FARS2: variants seen among roughly 807,000 people sequenced by gnomAD.
FARS2 encodes the protein phenylalanyl-tRNA synthetase 2, mitochondrial.
Under a neutral mutation model 46.4 loss-of-function variants are expected in FARS2, and 40 were observed. That is an observed-to-expected ratio of 0.86 (90% confidence interval 0.67 to 1.12). The LOEUF (loss-of-function observed/expected upper bound fraction) is 1.12, where lower values mean the gene tolerates loss of function less well. Among genes scored for constraint, FARS2 ranks in the 50% most tolerant of loss-of-function variants. The pLI is 0.00. For missense variants in FARS2, 513 were observed against 567.9 expected (o/e 0.90, Z 0.98); for synonymous variants, 234 against 214.9 (o/e 1.09, Z -0.78).
rs538586983 is a variant in FARS2 at position 5,355,443 on chromosome 6, G to A, written c.-21-13107G>A. 2.5e-4 allele frequency among the ~76,000 whole-genome samples: 35 copies of A among 139,544 alleles called. No homozygotes were observed. The South Asian group carries it at 6.8e-3, about 27-fold the overall frequency. 91.5% of individuals were successfully genotyped at this position (139,544 alleles called of 152,430 possible). ...GTGATCTCAACTCACTGCAACCTCT[G>A]CCTGCTGGGTTCAAGCAGTTCTCCT... On this transcript the variant is annotated intron_variant, in intron 1 of 6. Coordinates refer to ENST00000274680, the MANE Select transcript of FARS2 (RefSeq NM_006567.5).
At chr6:5,708,148 T>C (rs1206238219) in intron 6 of FARS2, among the ~76,000 whole-genome samples, 1 of 152,162 alleles carries the variant, frequency 6.6e-6, no homozygotes, top group Non-Finnish European at 1.5e-5. Context: ...AAGGGCCGGG[T>C]AGCAGAGCTT....
intron 6 of FARS2, among the ~76,000 whole-genome samples, chr6:5,747,118 T>C (rs11969052): frequency 0.16 from 24,262 of 152,024 alleles, 3,822 homozygotes; most frequent in African/African-American, 0.39. Context: ...AGTGGTACCA[T>C]GGACACCAGC....
chr6:5,619,485 T>C (rs1775651832), intron 6 of FARS2, among the ~76,000 whole-genome samples: 1 of 152,134 alleles, frequency 6.6e-6, no homozygotes, highest in Admixed American at 6.5e-5. Context: ...GCACTGTCAG[T>C]CAGAGCTGAG....
At chr6:5,332,746 T>C (rs1026723048) in intron 1 of FARS2, among the ~76,000 whole-genome samples, 9 of 152,250 alleles carry the variant, frequency 5.9e-5, no homozygotes, top group Admixed American at 5.2e-4. Context: ...ACCAGTCATC[T>C]GTATATTGCA....
Position 5,727,687 on chromosome 6 carries a change from G to A in FARS2, c.1218-43604G>A, listed in dbSNP as rs1561824426. Among the ~76,000 whole-genome samples the A allele has an allele frequency of 6.6e-6, 1 of 152,148 alleles. No homozygotes were observed. Among genetic ancestry groups the A allele is most frequent in the Non-Finnish European group, 1.5e-5 (1 of 68,032 alleles). On this transcript the variant is annotated intron_variant, in intron 6 of 6. Coordinates refer to ENST00000274680, the MANE Select transcript of FARS2 (RefSeq NM_006567.5). The surrounding 1 kb of genome is among the most constrained non-coding windows in gnomAD (Gnocchi z 4.1). ...TTAATGAGTTAAGTCCAGATAAAGT[G>A]GGTCTGAGGAGTTCACAGATTGGAG...
chr6:5,443,407 A>G (rs200200), intron 4 of FARS2, among the ~76,000 whole-genome samples: 17,408 of 152,258 alleles, frequency 0.11, 1,608 homozygotes, highest in African/African-American at 0.25. Flanking sequence ...ACTTTGAAGC[A>G]CTGTCTGCTA....
Position 5,555,584 on chromosome 6 carries a change from C to T in FARS2, c.1065+10244C>T, listed in dbSNP as rs189045981. Among the ~76,000 whole-genome samples, 80 of 152,248 alleles carry T rather than the reference C, an allele frequency of 5.3e-4. 2 individuals are homozygous for T. Among genetic ancestry groups the T allele is most frequent in the African/African-American group, 1.9e-3 (78 of 41,516 alleles). On this transcript the variant is annotated intron_variant, in intron 5 of 6. Coordinates refer to ENST00000274680, the MANE Select transcript of FARS2 (RefSeq NM_006567.5). ...TATCATAAATGTTGTCTAATAGAGACTTAATGTGGGATTTTGCAGTGTTTC... is the reference window on the plus strand; with the variant it reads ...TATCATAAATGTTGTCTAATAGAGATTTAATGTGGGATTTTGCAGTGTTTC...
At chr6:5,770,903 C>T (rs948483130) in intron 6 of FARS2, among the ~76,000 whole-genome samples, 9 of 152,150 alleles carry the variant, frequency 5.9e-5, no homozygotes, top group African/African-American at 9.7e-5. Flanking sequence ...AGGAGGCACA[C>T]GCGGGTTGAC....
chr6:5,697,239 G>A (rs1398784864), intron 6 of FARS2, among the ~76,000 whole-genome samples: 2 of 152,168 alleles, frequency 1.3e-5, no homozygotes, highest in Non-Finnish European at 2.9e-5. Flanking sequence ...CAAATTGATG[G>A]CCGAACTGAT....
At chr6:5,758,963 T>C (rs1762350709) in intron 6 of FARS2, among the ~76,000 whole-genome samples, 1 of 149,956 alleles carries the variant, frequency 6.7e-6, no homozygotes, top group Admixed American at 6.8e-5. Context: ...GCAGAGAGAT[T>C]GGGGTTCTGT....
intron 3 of FARS2, among the ~76,000 whole-genome samples, chr6:5,428,317 C>T (rs1277579514): frequency 6.6e-6 from 1 of 152,044 alleles, no homozygotes; most frequent in Non-Finnish European, 1.5e-5. Context: ...TTAACAGAAC[C>T]TAAGAGCAAA....
chr6:5,286,581 A>G (rs923740754), intron 1 of FARS2, among the ~76,000 whole-genome samples: 1 of 152,154 alleles, frequency 6.6e-6, no homozygotes, highest in Non-Finnish European at 1.5e-5. Context: ...TATTCAGAAT[A>G]TAAAGTGTGT....
Position 5,734,465 on chromosome 6 carries a change from C to T in FARS2, c.1218-36826C>T, listed in dbSNP as rs77515471. ...GGAGGGGCCATGCATCTGTGGGCAC[C>T]GTTTCAACACATGGCCAGCTTGTGC... On this transcript the variant is annotated intron_variant, in intron 6 of 6. Transcript: ENST00000274680. Among the ~76,000 whole-genome samples the T allele has an allele frequency of 5.3e-3, 811 of 152,212 alleles. 9 individuals carry two copies. Among genetic ancestry groups the T allele is most frequent in the African/African-American group, 0.019 (771 of 41,524 alleles).
intron 2 of FARS2, among the ~76,000 whole-genome samples, chr6:5,381,406 TAC>T (rs773053847): frequency 1.7e-5 from 2 of 115,394 alleles, no homozygotes; most frequent in South Asian, 2.6e-4. Flanking sequence ...CACACACACA[TAC>T]ACACACACAC....
intron 6 of FARS2, among the ~76,000 whole-genome samples, chr6:5,651,490 G>T (rs1182420175): frequency 6.6e-6 from 1 of 152,204 alleles, no homozygotes; most frequent in African/African-American, 2.4e-5. Flanking sequence ...AAAACGAGAA[G>T]TAAGCTAAGA....
At chr6:5,587,545 T>G (rs1391708166) in intron 5 of FARS2, among the ~76,000 whole-genome samples, 1 of 152,232 alleles carries the variant, frequency 6.6e-6, no homozygotes, top group Non-Finnish European at 1.5e-5. Flanking sequence ...ACAGCATATT[T>G]CATGCTGTGT....
intron 6 of FARS2, among the ~76,000 whole-genome samples, chr6:5,617,808 G>A (rs1183811194): frequency 6.6e-6 from 1 of 152,156 alleles, no homozygotes; most frequent in African/African-American, 2.4e-5. Flanking sequence ...TTCAGCCCTG[G>A]ACTTGTAGCT....
In FARS2 at chr6:5,532,780, T is replaced by TAAGAAGAAGAAGAAGAAGAAG. The variant is rs1441043690; in HGVS notation, c.905-12398_905-12397insGAAGAAGAAGAAGAAGAAGAA. ...GTAGTAGTAGTAATAATAATAATAA[T>TAAGAAGAAGAAGAAGAAGAAG]AATAAGAAGAAGAAGAAGAAGAAGA... On this transcript the variant is annotated intron_variant, in intron 4 of 6. Coordinates refer to ENST00000274680, the MANE Select transcript of FARS2 (RefSeq NM_006567.5). 1.5e-3 allele frequency among the ~76,000 whole-genome samples: 219 copies of TAAGAAGAAGAAGAAGAAGAAG among 146,514 alleles called. 1 individual carries two copies. Among genetic ancestry groups the TAAGAAGAAGAAGAAGAAGAAG allele is most frequent in the African/African-American group, 5.5e-3 (207 of 37,620 alleles).
chr6:5,347,076 G>T (rs1438456115), intron 1 of FARS2, among the ~76,000 whole-genome samples: 1 of 151,984 alleles, frequency 6.6e-6, no homozygotes, highest in Non-Finnish European at 1.5e-5. Context: ...ACCACACCTG[G>T]CTAATTTTTG....
Sources: allele counts gnomAD v4.1 joint callset (sites outside exome capture counted in the v4.1 genomes callset), GRCh38; gene constraint gnomAD v4.1.1; non-coding constraint Gnocchi (gnomAD v3.1); transcripts MANE v1.5; gene names NCBI Gene and HGNC (gene_info 2026-07-23, HGNC 2026-07-21).